LLGL2: variants seen among roughly 807,000 people sequenced by gnomAD.
The protein encoded by LLGL2 is LLGL2, scribble cell polarity complex component.
LLGL2 carries 81 observed loss-of-function variants against 123.2 expected under a neutral mutation model. That is an observed-to-expected ratio of 0.66 (90% CI 0.55 to 0.79). The LOEUF (loss-of-function observed/expected upper bound fraction) is 0.79. LLGL2 is among the 30% of genes least tolerant of loss of function. LLGL2 has a pLI of 0.00. For synonymous variants in LLGL2, 577 were observed against 594.1 expected (o/e 0.97, Z 0.42); for missense variants, 1,273 against 1,414.6 (o/e 0.90, Z 1.61).
intron 1 of LLGL2, among the ~76,000 whole-genome samples, chr17:75,539,113 C>G (rs573323900): frequency 6.6e-6 from 1 of 152,082 alleles, no homozygotes; most frequent in South Asian, 2.1e-4. Flanking sequence ...GGCTAGAGTA[C>G]AGTGGTGGGT....
rs368318098 is a variant in LLGL2, at chr17:75,559,410, G to A, written c.530G>A (p.Arg177Gln). Reference protein sequence around the residue: ...RTISSDAVLQRLPEEARHRRV... With the variant: ...RTISSDAVLQQLPEEARHRRV... ...ATCAGCTCGGACGCGGTGCTGCAGCGGTGAGCCCAGAGCCCAGCTGCTGTT... is the reference window on the plus strand; with the variant it reads ...ATCAGCTCGGACGCGGTGCTGCAGCAGTGAGCCCAGAGCCCAGCTGCTGTT... The change falls in exon 6 of 26, where the codon CGG becomes CAG. Residue 177 changes from arginine to glutamine, a missense_variant and splice_region_variant. Physicochemically the swap from Arg to Gln is conservative, Grantham distance 43. Coordinates refer to ENST00000392550, the MANE Select transcript of LLGL2 (RefSeq NM_001031803.2). This position sits in a 1 kb window ranked among gnomAD's most constrained non-coding sequence, Gnocchi z 4.6. The A allele has an allele frequency of 1.2e-5, 19 of 1,603,874 alleles. No homozygotes were observed. In the Middle Eastern group the frequency reaches 1.2e-3, roughly 98 times the overall value.
intron 1 of LLGL2, among the ~76,000 whole-genome samples, chr17:75,532,077 C>CACACACACACT (rs58220046): frequency 3.3e-4 from 28 of 83,996 alleles, no homozygotes; most frequent in East Asian, 8.3e-4. Context: ...CACACACACA[C>CACACACACACT]TTTTTTTTTT....
At chr17:75,563,881 C>G in intron 9 of LLGL2, 75 bp downstream of exon 9, 1 of 1,473,408 alleles carries the variant, frequency 6.8e-7, no homozygotes, top group Non-Finnish European at 9.5e-7. Flanking sequence ...AGGCCTCTGC[C>G]TGGGAAGTTG....
At chr17:75,568,728 C>A in intron 11 of LLGL2, 35 bp downstream of exon 11, 1 of 1,613,136 alleles carries the variant, frequency 6.2e-7, no homozygotes, top group Non-Finnish European at 8.5e-7. Flanking sequence ...CCAGCCCCAC[C>A]GCAAGCCAAA....
At chr17:75,538,121 G>A (rs2054073948) in intron 1 of LLGL2, among the ~76,000 whole-genome samples, 1 of 152,180 alleles carries the variant, frequency 6.6e-6, no homozygotes, top group Admixed American at 6.5e-5. Flanking sequence ...TGGAAGGGGG[G>A]CCGGGCTGAT....
At chr17:75,553,615 G>A (rs2054774922) in intron 2 of LLGL2, among the ~76,000 whole-genome samples, 1 of 152,166 alleles carries the variant, frequency 6.6e-6, no homozygotes. Context: ...GAGTCTCTGT[G>A]GTTGTTTTTT....
rs2054328570 is a variant in LLGL2 at position 75,544,294 on chromosome 17, C to T, written c.75+793C>T. On this transcript the variant is annotated intron_variant, in intron 2 of 25. Transcript: ENST00000392550. The surrounding 1 kb of genome is among the most constrained non-coding windows in gnomAD (Gnocchi z 4.2). ...GCAGGAACTGGGACACTGTGATCCTCTTCCCCCGGGGAGCCAGGACCCTCC... is the reference window on the plus strand; with the variant it reads ...GCAGGAACTGGGACACTGTGATCCTTTTCCCCCGGGGAGCCAGGACCCTCC... 6.6e-6 allele frequency among the ~76,000 whole-genome samples: 1 copy of T among 152,204 alleles called. No individual in the cohort carries two copies.
At position 75,571,920 on chromosome 17, in the gene LLGL2, C is replaced by T. The variant is rs767751540; in HGVS notation, c.2316C>T (p.His772=). 1 of 1,612,472 alleles carries T rather than the reference C, an allele frequency of 6.2e-7. No individual in the cohort carries two copies. Among genetic ancestry groups the T allele is most frequent in the South Asian group, 1.1e-5 (1 of 91,080 alleles). ...TAGCCAAGGAGATCCAGCTGATGCA[C>T]CGGGCGCCGGTGGTGGGCATCCTGG... ...AEQAKEIQLM[H]RAPVVGILVL... The change falls in exon 19 of 26, where the codon CAC becomes CAT. Residue 772 remains histidine (H), a synonymous_variant. Transcript: ENST00000392550.
chr17:75,545,198 T>A (rs186565759), intron 2 of LLGL2, among the ~76,000 whole-genome samples: 1 of 152,144 alleles, frequency 6.6e-6, no homozygotes, highest in Admixed American at 6.5e-5. Context: ...TCCCTTCTTC[T>A]TTCCCCTATC....
chr17:75,566,211 G>A (rs921880590), intron 10 of LLGL2, among the ~76,000 whole-genome samples: 2 of 152,222 alleles, frequency 1.3e-5, no homozygotes, highest in East Asian at 1.9e-4. Context: ...TGTGGCCAGC[G>A]CCAGATCGTA....
At chr17:75,553,505 TCTC>T (rs1248136809) in intron 2 of LLGL2, among the ~76,000 whole-genome samples, 10 of 152,288 alleles carry the variant, frequency 6.6e-5, no homozygotes, top group East Asian at 1.9e-4. Context: ...ATCAGGGACT[TCTC>T]CTTTTCTGCT....
At chr17:75,570,921 T>G (rs1249146415) in intron 16 of LLGL2, 29 bp from the exon 17 acceptor site, 1 of 1,583,372 alleles carries the variant, frequency 6.3e-7, no homozygotes, top group South Asian at 1.2e-5. Flanking sequence ...AGTCCAGAGC[T>G]GACCCTTAGG....
chr17:75,532,149 C>T (rs936518297), intron 1 of LLGL2, among the ~76,000 whole-genome samples: 48 of 132,908 alleles, frequency 3.6e-4, no homozygotes, highest in African/African-American at 1.2e-3. Context: ...GGCATGATTT[C>T]GGCTCACTGC....
At position 75,558,448 on chromosome 17, in the gene LLGL2, C is replaced by T. The variant is rs1391638729; in HGVS notation, c.256-64C>T. On this transcript the variant is annotated intron_variant, in intron 4 of 25. Transcript: ENST00000392550. The surrounding 1 kb of genome is among the most constrained non-coding windows in gnomAD (Gnocchi z 4.0). The stretch of plus-strand genomic sequence containing the variant: ...TTTTAAACAACTGGGGCTGCGTGGC[C>T]CCAGTGTGTAAAGGCCTTGCCTGGG... The T allele has an allele frequency of 7.2e-6, 10 of 1,394,842 alleles. No individual in the cohort carries two copies. Among genetic ancestry groups the T allele is most frequent in the South Asian group, 1.3e-5 (1 of 79,672 alleles). 86.4% of individuals were successfully genotyped at this position (1,394,842 alleles called of 1,614,324 possible). A position where few individuals can be genotyped will look rare whatever the true frequency, so the allele number is the denominator to read the frequency against.
intron 1 of LLGL2, among the ~76,000 whole-genome samples, chr17:75,539,566 A>G (rs72851953): frequency 0.099 from 14,779 of 149,396 alleles, 764 homozygotes; most frequent in Non-Finnish European, 0.12. Context: ...TTGATCAGAG[A>G]TAGTCCTGAC....
In LLGL2 at chr17:75,573,040, C is replaced by T. The variant is rs752433356; in HGVS notation, c.2487C>T (p.Ala829=). The change falls in exon 20 of 26, where the codon GCC becomes GCT. Residue 829 remains alanine (A), a synonymous_variant. Transcript: ENST00000392550. The stretch of plus-strand genomic sequence containing the variant: ...TGTTCACGCTGCCCAAGGTGAGTGC[C>T]AAGCTGAAGTTGAAGCTGACGGCCC... ...FKVFTLPKVS[A]KLKLKLTALE... 6.2e-7 allele frequency: 1 copy of T among 1,611,494 alleles called. No homozygotes were observed. Among genetic ancestry groups the T allele is most frequent in the Admixed American group, 1.7e-5 (1 of 59,956 alleles).
rs60926865 is a variant in LLGL2 at position 75,544,238 on chromosome 17, C to G, written c.75+737C>G. ...TTGTGAGGTAATGATCTTCTCACCT[C>G]TGCTTTGCGCCTCTGCTGGGAAGGT... On this transcript the variant is annotated intron_variant, in intron 2 of 25. Coordinates refer to ENST00000392550, the MANE Select transcript of LLGL2 (RefSeq NM_001031803.2). The surrounding 1 kb of genome is among the most constrained non-coding windows in gnomAD (Gnocchi z 4.2). 0.098 allele frequency among the ~76,000 whole-genome samples: 14,938 copies of G among 152,214 alleles called. 1,001 individuals are homozygous for G. The highest frequency in any genetic ancestry group is 0.19 in the African/African-American group (8,052 of 41,484).
chr17:75,562,766 T>C (rs1331349817), intron 6 of LLGL2: 3 of 535,758 alleles, frequency 5.6e-6, no homozygotes, highest in Non-Finnish European at 1.0e-5. Flanking sequence ...GACAGGGTTT[T>C]GCCATGTTGG....
intron 1 of LLGL2, among the ~76,000 whole-genome samples, chr17:75,539,491 A>T (rs1242585932): frequency 6.8e-6 from 1 of 148,064 alleles, no homozygotes; most frequent in Admixed American, 6.7e-5. Flanking sequence ...TGATCCTCCC[A>T]CCTTGGCCTC....
Sources: gnomAD v4.1 joint callset for allele counts (sites outside exome capture counted in the v4.1 genomes callset) on GRCh38, gnomAD v4.1.1 for gene constraint, Gnocchi (gnomAD v3.1) non-coding constraint, MANE v1.5 for transcripts, NCBI Gene and HGNC (gene_info 2026-07-23, HGNC 2026-07-21) for gene names.